NRXN3: variants seen among roughly 807,000 people sequenced by gnomAD.
NRXN3 encodes neurexin 3.
Under a neutral mutation model 137.6 loss-of-function variants are expected in NRXN3, and 32 were observed. The observed-to-expected ratio is 0.23, with a 90% CI of 0.18 to 0.31. The LOEUF (loss-of-function observed/expected upper bound fraction) is 0.31, where lower values mean the gene tolerates loss of function less well. NRXN3 is among the 10% of genes least tolerant of loss of function. The pLI, the probability that NRXN3 is intolerant of heterozygous loss-of-function variation, is 1.00. For synonymous variants in NRXN3, 798 were observed against 784.5 expected (o/e 1.02, Z -0.29); for missense variants, 1,574 against 2,062.5 (o/e 0.76, Z 4.59).
intron 20 of NRXN3, among the ~76,000 whole-genome samples, chr14:79,808,181 G>A (rs183040254): frequency 1.3e-5 from 2 of 150,688 alleles, no homozygotes; most frequent in Non-Finnish European, 2.9e-5. Context: ...AGGTTGCAGG[G>A]AGCCAAGATC....
intron 15 of NRXN3, among the ~76,000 whole-genome samples, chr14:78,992,085 T>C (rs2099520123): frequency 6.6e-6 from 1 of 152,228 alleles, no homozygotes; most frequent in Non-Finnish European, 1.5e-5. Context: ...GAAATCCAAG[T>C]GTAATTGATT....
rs527808678 is a variant in NRXN3, at chr14:78,183,024, A to G, written c.-704+12350A>G. ...CATCACCTGCTGGGTAATGCTAACA[A>G]TGGCAGGTTGGGAGGCAAGGAGGAT... On this transcript the variant is annotated intron_variant, in intron 1 of 20. Coordinates refer to ENST00000335750, the MANE Select transcript of NRXN3 (RefSeq NM_001330195.2). 1.2e-4 allele frequency among the ~76,000 whole-genome samples: 18 copies of G among 152,136 alleles called. No homozygotes were observed. The East Asian group carries it at 3.1e-3, about 26-fold the overall frequency.
chr14:79,832,215 C>T (rs981175090), intron 20 of NRXN3, among the ~76,000 whole-genome samples: 5 of 151,984 alleles, frequency 3.3e-5, no homozygotes, highest in African/African-American at 7.3e-5. Context: ...TTGAATGAGT[C>T]GAGGGCAGGT....
chr14:79,142,351 G>T (rs1020774233), intron 15 of NRXN3, among the ~76,000 whole-genome samples: 2 of 151,864 alleles, frequency 1.3e-5, no homozygotes, highest in Admixed American at 1.3e-4. Flanking sequence ...GCTTGAACCC[G>T]GGAGGCAGAC....
intron 4 of NRXN3, among the ~76,000 whole-genome samples, chr14:78,643,128 G>A (rs979672586): frequency 6.6e-6 from 1 of 152,126 alleles, no homozygotes; most frequent in Non-Finnish European, 1.5e-5. Flanking sequence ...AATATGTAGT[G>A]GGTAGAAGTC....
chr14:79,656,632 T>G (rs952396288), intron 16 of NRXN3, among the ~76,000 whole-genome samples: 4 of 141,702 alleles, frequency 2.8e-5, no homozygotes, highest in Non-Finnish European at 6.2e-5. Flanking sequence ...TTTTTTTTTT[T>G]GCTTGGAGTC....
At chr14:79,593,965 T>TAATA (rs1246575059) in intron 16 of NRXN3, among the ~76,000 whole-genome samples, 1 of 152,206 alleles carries the variant, frequency 6.6e-6, no homozygotes, top group Non-Finnish European at 1.5e-5. Flanking sequence ...CTTAACATTA[T>TAATA]AATAGATGCC....
chr14:78,530,296 G>C (rs751529689), intron 4 of NRXN3, among the ~76,000 whole-genome samples: 1 of 152,162 alleles, frequency 6.6e-6, no homozygotes, highest in Non-Finnish European at 1.5e-5. Context: ...GTCACTCCCT[G>C]AACAGCAGGA....
intron 15 of NRXN3, among the ~76,000 whole-genome samples, chr14:79,010,823 C>T (rs2099569694): frequency 6.6e-6 from 1 of 152,170 alleles, no homozygotes; most frequent in African/African-American, 2.4e-5. Context: ...GGCCCACACA[C>T]CACAAAGCGA....
chr14:78,305,011 C>T (rs2077221123), intron 4 of NRXN3, among the ~76,000 whole-genome samples: 1 of 152,198 alleles, frequency 6.6e-6, no homozygotes. Flanking sequence ...TGACCTTTGG[C>T]TTGAGAAGAC....
chr14:79,582,745 G>A (rs563843372), intron 16 of NRXN3, among the ~76,000 whole-genome samples: 1 of 152,216 alleles, frequency 6.6e-6, no homozygotes, highest in South Asian at 2.1e-4. Flanking sequence ...ATTAGCACTT[G>A]TTAACTAAAG....
At chr14:79,389,490 G>T (rs564388345) in intron 15 of NRXN3, among the ~76,000 whole-genome samples, 1 of 152,134 alleles carries the variant, frequency 6.6e-6, no homozygotes, top group East Asian at 1.9e-4. Flanking sequence ...TGGGGATTAG[G>T]TTTCCAATAC....
At chr14:79,827,406 G>A (rs2099308247) in intron 20 of NRXN3, among the ~76,000 whole-genome samples, 1 of 152,188 alleles carries the variant, frequency 6.6e-6, no homozygotes, top group African/African-American at 2.4e-5. Flanking sequence ...CCATTTCTGG[G>A]AGAGAGTTAT....
intron 19 of NRXN3, among the ~76,000 whole-genome samples, chr14:79,788,784 T>C (rs1305605744): frequency 6.6e-6 from 1 of 152,156 alleles, no homozygotes; most frequent in Non-Finnish European, 1.5e-5. Flanking sequence ...CAAGAAACTA[T>C]TGAGTTGCGA....
chr14:78,939,791 G>C (rs1443981653), intron 10 of NRXN3, among the ~76,000 whole-genome samples: 1 of 152,130 alleles, frequency 6.6e-6, no homozygotes, highest in Non-Finnish European at 1.5e-5. Context: ...CCTTTCTATG[G>C]GGAAGTAACT....
At position 79,696,613 on chromosome 14, in the gene NRXN3, G is replaced by A. The variant is rs560247154; in HGVS notation, c.3707-1017G>A. On this transcript the variant is annotated intron_variant, in intron 18 of 20. Transcript: ENST00000335750. ...CTTGGGAAAAAAATCTCATACTTGA[G>A]AGTTTTATAAGTAGAAAGAGTTGGG... Among the ~76,000 whole-genome samples the A allele has an allele frequency of 7.9e-5, 12 of 152,018 alleles. No individual in the cohort carries two copies. In the South Asian group the frequency reaches 2.5e-3, roughly 32 times the overall value.
chr14:78,922,816 T>C (rs1030182362), intron 10 of NRXN3, among the ~76,000 whole-genome samples: 1 of 152,190 alleles, frequency 6.6e-6, no homozygotes, highest in African/African-American at 2.4e-5. Flanking sequence ...TGTTTACCTA[T>C]GTAACAAACC....
intron 15 of NRXN3, among the ~76,000 whole-genome samples, chr14:79,346,227 C>T (rs1268996160): frequency 6.6e-6 from 1 of 152,126 alleles, no homozygotes; most frequent in African/African-American, 2.4e-5. Flanking sequence ...CCAGGTCAGC[C>T]TGACCAACAT....
At chr14:79,368,992 A>T (rs2093995162) in intron 15 of NRXN3, among the ~76,000 whole-genome samples, 3 of 152,246 alleles carry the variant, frequency 2.0e-5, no homozygotes, top group African/African-American at 7.2e-5. Context: ...AGGTATGAAA[A>T]ATACCTTTCA....
Sources: gnomAD v4.1 joint callset for allele counts (sites outside exome capture counted in the v4.1 genomes callset) on GRCh38, gnomAD v4.1.1 for gene constraint, MANE v1.5 for transcripts, NCBI Gene and HGNC (gene_info 2026-07-23, HGNC 2026-07-21) for gene names.